SIPA1L2: variants seen among roughly 807,000 people sequenced by gnomAD.
The protein encoded by SIPA1L2 is signal induced proliferation associated 1 like 2, also known as signal-induced proliferation-associated 1-like protein 2.
Under a neutral mutation model 163.9 loss-of-function variants are expected in SIPA1L2, and 56 were observed. That is an observed-to-expected ratio of 0.34 (90% CI 0.28 to 0.43). The LOEUF is 0.43. Ranked by LOEUF, SIPA1L2 falls within the 20% of genes least tolerant of loss-of-function variation. The pLI, the probability that SIPA1L2 is intolerant of heterozygous loss-of-function variation, is 1.00. For synonymous variants in SIPA1L2, 877 were observed against 865.7 expected, an observed-to-expected ratio of 1.01 and a Z score of -0.23; for missense variants, 1,974 against 2,193.5, an observed-to-expected ratio of 0.90 and a Z score of 2.00.
intron 10 of SIPA1L2, among the ~76,000 whole-genome samples, chr1:232,456,140 T>C (rs1453459434): frequency 6.6e-6 from 1 of 152,070 alleles, no homozygotes; most frequent in South Asian, 2.1e-4. Context: ...TAATGAATAA[T>C]AAATGGGATA....
chr1:232,513,614 G>T (rs1361404496), intron 3 of SIPA1L2, among the ~76,000 whole-genome samples: 1 of 152,160 alleles, frequency 6.6e-6, no homozygotes, highest in African/African-American at 2.4e-5. Context: ...GACAGAAAGA[G>T]AAACCAAAAG....
At chr1:232,534,492 A>G (rs1032655029) in intron 2 of SIPA1L2, among the ~76,000 whole-genome samples, 5 of 152,268 alleles carry the variant, frequency 3.3e-5, no homozygotes, top group African/African-American at 1.2e-4. Flanking sequence ...TGATTGCTTG[A>G]ATATGACACT....
At chr1:232,436,476 A>G (rs990566357) in intron 15 of SIPA1L2, among the ~76,000 whole-genome samples, 5 of 152,120 alleles carry the variant, frequency 3.3e-5, no homozygotes, top group African/African-American at 1.2e-4. Context: ...TCAGTTCCTG[A>G]AAGTTTATTC....
At position 232,441,272 on chromosome 1, in the gene SIPA1L2, T is replaced by C; in HGVS notation, c.3642+19A>G. On this transcript the variant is annotated intron_variant, in intron 14 of 22. Transcript: ENST00000674635. ...AGTCCTGGCTAGGCCAGTGAAGGGC[T>C]TATGAACAAAGGACTTACGTGAGAA... is the stretch of plus-strand genomic sequence containing the variant. 3 of 1,577,990 alleles carry C rather than the reference T, an allele frequency of 1.9e-6. 1 individual carries two copies. In the South Asian group the frequency reaches 3.5e-5, roughly 18 times the overall value.
At chr1:232,532,717 A>G (rs1347387357) in intron 2 of SIPA1L2, among the ~76,000 whole-genome samples, 1 of 152,220 alleles carries the variant, frequency 6.6e-6, no homozygotes, top group Non-Finnish European at 1.5e-5. Context: ...TTGTATTTTA[A>G]AAAACAAAGA....
rs1292413933 is a variant in SIPA1L2, at chr1:232,593,431, A to T, written c.-318-19209T>A. On this transcript the variant is annotated intron_variant, in intron 1 of 22. Coordinates refer to ENST00000674635, the MANE Select transcript of SIPA1L2 (RefSeq NM_020808.5). Reference sequence around the variant, plus strand: ...TTTCTAGATGTTCCTGAACATAAGCAGGATATTAATGGGGGCGCTTCATTT... The same window carrying T: ...TTTCTAGATGTTCCTGAACATAAGCTGGATATTAATGGGGGCGCTTCATTT... 2.6e-5 allele frequency among the ~76,000 whole-genome samples: 4 copies of T among 152,184 alleles called. No homozygotes were observed. In the East Asian group the frequency reaches 7.7e-4, roughly 29 times the overall value.
Position 232,514,213 on chromosome 1 carries a change from T to A in SIPA1L2, c.1127A>T (p.Asn376Ile), listed in dbSNP as rs1246216546. ...CTTGCTCCCTAAAGGGGACTCACAG[T>A]TGCCTGTCTGGCCCGTAGGCATCTG... ...QTQMPTGQTGNCESPLGSKED... is the reference protein window; with the variant it reads ...QTQMPTGQTGICESPLGSKED... Residue 376 changes from asparagine (N) to isoleucine (I), a missense_variant, in exon 3 of 23, where the codon AAC becomes ATC. Physicochemically the swap from Asn to Ile is moderately radical, Grantham distance 149. Coordinates refer to ENST00000674635, the MANE Select transcript of SIPA1L2 (RefSeq NM_020808.5). 6.2e-7 allele frequency: 1 copy of A among 1,614,252 alleles called. No homozygotes were observed. The highest frequency in any genetic ancestry group is 2.2e-5 in the East Asian group (1 of 44,888).
rs1468613349 is a variant in SIPA1L2 at position 232,515,205 on chromosome 1, C to T, written c.135G>A (p.Met45Ile). Reference sequence around the variant, plus strand: ...AGGCATTTAAAGAAGTAGTGGGTCCCATGTTGCCATTAATGGCTTTAAATT... The same window carrying T: ...AGGCATTTAAAGAAGTAGTGGGTCCTATGTTGCCATTAATGGCTTTAAATT... ...ARKFKAINGN[M>I]GPTTSLNASN... The change falls in exon 3 of 23, where the codon ATG becomes ATA. Residue 45 changes from methionine to isoleucine, a missense_variant. By Grantham distance (10) the Met-to-Ile change is conservative (BLOSUM62 1). Around this residue, in one of 3 missense-constraint regions of SIPA1L2, gnomAD observed 607 missense variants for 624.0 expected, o/e 0.97. Coordinates refer to ENST00000674635, the MANE Select transcript of SIPA1L2 (RefSeq NM_020808.5). 6.2e-7 allele frequency: 1 copy of T among 1,614,198 alleles called. No homozygotes were observed. The highest frequency in any genetic ancestry group is 8.5e-7 in the Non-Finnish European group (1 of 1,180,030).
chr1:232,523,832 T>C (rs984591912), intron 2 of SIPA1L2, among the ~76,000 whole-genome samples: 1 of 151,882 alleles, frequency 6.6e-6, no homozygotes, highest in Non-Finnish European at 1.5e-5. Flanking sequence ...GCGTGTCCCA[T>C]CACTGTATTC....
chr1:232,624,558 C>T (rs1662979868), intron 1 of SIPA1L2, among the ~76,000 whole-genome samples: 1 of 152,216 alleles, frequency 6.6e-6, no homozygotes, highest in African/African-American at 2.4e-5. Flanking sequence ...GGAGTTCTTA[C>T]TTTCCACAAT....
intron 18 of SIPA1L2, among the ~76,000 whole-genome samples, chr1:232,416,467 A>G (rs1379346791): frequency 6.6e-6 from 1 of 152,198 alleles, no homozygotes; most frequent in Admixed American, 6.5e-5. Context: ...GAGTACATCC[A>G]GGTCTGACTA....
At chr1:232,617,646 A>G (rs993134762) in intron 1 of SIPA1L2, among the ~76,000 whole-genome samples, 1 of 152,224 alleles carries the variant, frequency 6.6e-6, no homozygotes, top group Non-Finnish European at 1.5e-5. Flanking sequence ...GCCCTAAAAA[A>G]AAAAGGAACA....
chr1:232,527,948 A>T (rs1225008063), intron 2 of SIPA1L2, among the ~76,000 whole-genome samples: 2 of 150,718 alleles, frequency 1.3e-5, no homozygotes, highest in African/African-American at 4.9e-5. Context: ...ATCATGGGAA[A>T]TTACTGCTTT....
intron 2 of SIPA1L2, among the ~76,000 whole-genome samples, chr1:232,569,846 T>C (rs1659617724): frequency 6.6e-6 from 1 of 152,012 alleles, no homozygotes; most frequent in Non-Finnish European, 1.5e-5. Flanking sequence ...AAATTACGGA[T>C]CCTCTAAAGA....
At chr1:232,575,009 T>C (rs1225513178) in intron 1 of SIPA1L2, among the ~76,000 whole-genome samples, 1 of 152,216 alleles carries the variant, frequency 6.6e-6, no homozygotes, top group Non-Finnish European at 1.5e-5. Context: ...GGATGTGAAC[T>C]CAAGTCATCT....
At chr1:232,522,997 A>C (rs923044521) in intron 2 of SIPA1L2, among the ~76,000 whole-genome samples, 2 of 152,230 alleles carry the variant, frequency 1.3e-5, no homozygotes, top group African/African-American at 4.8e-5. Context: ...AGGCAAAGAA[A>C]AGCTTTTAGA....
intron 18 of SIPA1L2, among the ~76,000 whole-genome samples, chr1:232,421,274 G>C (rs1413319844): frequency 6.6e-6 from 1 of 152,190 alleles, no homozygotes; most frequent in Non-Finnish European, 1.5e-5. Flanking sequence ...AAGGGGGGTA[G>C]TATCAGGGAA....
At chr1:232,601,113 C>T (rs528051102) in intron 1 of SIPA1L2, among the ~76,000 whole-genome samples, 1 of 152,276 alleles carries the variant, frequency 6.6e-6, no homozygotes, top group South Asian at 2.1e-4. Flanking sequence ...CCAAGTTAGA[C>T]TAGTGAGGTG....
chr1:232,499,743 C>T (rs1261007783), intron 3 of SIPA1L2, among the ~76,000 whole-genome samples: 2 of 152,184 alleles, frequency 1.3e-5, no homozygotes, highest in East Asian at 3.8e-4. Context: ...AAGAAGATGC[C>T]ATCCAGAATT....
Sources: allele counts gnomAD v4.1 joint callset (sites outside exome capture counted in the v4.1 genomes callset), GRCh38; gene constraint gnomAD v4.1.1; regional missense constraint gnomAD v4.1.1; transcripts MANE v1.5; gene names NCBI Gene and HGNC (gene_info 2026-07-23, HGNC 2026-07-21).